ZNF644: variants seen among roughly 807,000 people sequenced by gnomAD.
The protein encoded by ZNF644 is zinc finger motif enhancer binding protein 2.
In ZNF644, 20 loss-of-function variants were observed where a neutral mutation model predicts 108.0. The ratio of observed to expected loss-of-function variants is 0.19; its 90% CI spans 0.13 to 0.27. The LOEUF is 0.27. Among genes scored for constraint, ZNF644 ranks in the 10% least tolerant of loss-of-function variants. ZNF644 has a pLI of 1.00. For synonymous variants in ZNF644, 542 were observed against 539.1 expected (o/e 1.01, Z -0.08); for missense variants, 1,338 against 1,548.9 (o/e 0.86, Z 2.29).
At chr1:90,995,850 C>T (rs1380392599) in intron 1 of ZNF644, among the ~76,000 whole-genome samples, 1 of 152,100 alleles carries the variant, frequency 6.6e-6, no homozygotes, top group Admixed American at 6.6e-5. Context: ...GTAGTAACAA[C>T]ACTAAATCAA....
At chr1:90,990,458 G>A (rs768322132) in intron 1 of ZNF644, among the ~76,000 whole-genome samples, 1 of 152,000 alleles carries the variant, frequency 6.6e-6, no homozygotes, top group African/African-American at 2.4e-5. Flanking sequence ...TAGACATTAG[G>A]CAACCCCTGA....
At chr1:90,963,185 T>C (rs773894974) in intron 2 of ZNF644, among the ~76,000 whole-genome samples, 2 of 152,028 alleles carry the variant, frequency 1.3e-5, no homozygotes, top group Non-Finnish European at 2.9e-5. Flanking sequence ...GAAAGCTCAA[T>C]AGTAATTTTG....
At chr1:90,937,412 TAG>T in intron 4 of ZNF644, 71 bp downstream of exon 4, 1 of 1,594,808 alleles carries the variant, frequency 6.3e-7, no homozygotes, top group Non-Finnish European at 8.6e-7. Context: ...ATTTTCCACA[TAG>T]ATTCCATTAA....
intron 1 of ZNF644, among the ~76,000 whole-genome samples, chr1:90,990,290 C>A (rs891039673): frequency 3.3e-5 from 5 of 152,090 alleles, no homozygotes; most frequent in Non-Finnish European, 7.3e-5. Flanking sequence ...GTTAAGATGG[C>A]AAATTTACTG....
chr1:91,021,886 C>G, intron 1 of ZNF644, 104 bp downstream of exon 1: 1 of 398,782 alleles, frequency 2.5e-6, no homozygotes. Flanking sequence ...AGGCCGGGTC[C>G]CCCAAGTTCT....
At chr1:90,917,928 T>A in intron 5 of ZNF644, 124 bp downstream of exon 5, 1 of 804,050 alleles carries the variant, frequency 1.2e-6, no homozygotes, top group South Asian at 1.5e-5. Context: ...CTCCAAAAGT[T>A]CATTTATAAC....
At chr1:90,962,923 T>C (rs1057167170) in intron 2 of ZNF644, among the ~76,000 whole-genome samples, 1 of 152,062 alleles carries the variant, frequency 6.6e-6, no homozygotes, top group Non-Finnish European at 1.5e-5. Flanking sequence ...ACAAGCAGCA[T>C]TAACAATAAG....
At chr1:91,015,240 A>G (rs1252132141) in intron 1 of ZNF644, among the ~76,000 whole-genome samples, 2 of 152,194 alleles carry the variant, frequency 1.3e-5, no homozygotes, top group Non-Finnish European at 1.5e-5. Flanking sequence ...GGTTGGTGGT[A>G]GAAAGAAAAT....
At chr1:90,963,798 A>G (rs1455799981) in intron 2 of ZNF644, among the ~76,000 whole-genome samples, 3 of 152,120 alleles carry the variant, frequency 2.0e-5, no homozygotes, top group Admixed American at 2.0e-4. Flanking sequence ...GAAAAGAGAC[A>G]TAGGGGGTTT....
At chr1:90,959,703 G>A (rs1654129475) in intron 2 of ZNF644, among the ~76,000 whole-genome samples, 1 of 152,094 alleles carries the variant, frequency 6.6e-6, no homozygotes, top group Non-Finnish European at 1.5e-5. Flanking sequence ...TACTTTACCA[G>A]GTGATGGAAG....
intron 1 of ZNF644, chr1:91,020,685 T>C (rs1228413725): frequency 1.3e-5 from 2 of 152,238 alleles, no homozygotes; most frequent in African/African-American, 4.8e-5. Flanking sequence ...TGAGAAACTT[T>C]AGTTGTCTAT....
chr1:90,966,968 G>C (rs1171299896), intron 2 of ZNF644, among the ~76,000 whole-genome samples: 2 of 152,222 alleles, frequency 1.3e-5, no homozygotes, highest in East Asian at 3.9e-4. Flanking sequence ...CTTCTAAGTA[G>C]AATCTACTGT....
intron 2 of ZNF644, among the ~76,000 whole-genome samples, chr1:90,960,303 G>A (rs1166514636): frequency 3.3e-5 from 5 of 152,152 alleles, no homozygotes; most frequent in Admixed American, 2.6e-4. Flanking sequence ...ATTTGTGCAA[G>A]TTTTCCTGTT....
At chr1:90,950,292 AAGGGG>A in intron 2 of ZNF644, among the ~76,000 whole-genome samples, 1 of 2,036 alleles carries the variant, frequency 4.9e-4, no homozygotes, top group Non-Finnish European at 7.5e-4. Context: ...AAGGGAAGGG[AAGGGG>A]AGGGGAGGGG....
At chr1:90,980,340 A>G (rs1213462498) in intron 2 of ZNF644, among the ~76,000 whole-genome samples, 1 of 152,190 alleles carries the variant, frequency 6.6e-6, no homozygotes, top group South Asian at 2.1e-4. Context: ...AAGTGACAAC[A>G]TGTACCTAGG....
chr1:90,975,776 A>G (rs1402676055), intron 2 of ZNF644, among the ~76,000 whole-genome samples: 1 of 152,118 alleles, frequency 6.6e-6, no homozygotes, highest in Non-Finnish European at 1.5e-5. Flanking sequence ...ATCTCAAAAG[A>G]ATAGTAAATC....
intron 1 of ZNF644, among the ~76,000 whole-genome samples, chr1:90,986,468 T>C (rs936865504): frequency 2.6e-5 from 4 of 152,082 alleles, no homozygotes; most frequent in Admixed American, 1.3e-4. Context: ...CTATGGTCTT[T>C]AGTTAATAAT....
chr1:91,011,422 A>G (rs1223355143), intron 1 of ZNF644, among the ~76,000 whole-genome samples: 2 of 152,216 alleles, frequency 1.3e-5, no homozygotes, highest in East Asian at 1.9e-4. Flanking sequence ...ATGTGAAGAT[A>G]TATTTTTTAT....
chr1:90,938,242 C>G lies in ZNF644; in HGVS notation c.3082+30G>C. On this transcript the variant is annotated intron_variant, in intron 3 of 5. Transcript: ENST00000337393. The surrounding 1 kb of genome is among the most constrained non-coding windows in gnomAD (Gnocchi z 4.2). ...CTTCAGAATTAGAACACAGACCTAT[C>G]AGCCCAAATCATCCCCATGGAGAAC... is the stretch of plus-strand genomic sequence containing the variant. 1 of 1,613,946 alleles carries G rather than the reference C, an allele frequency of 6.2e-7. No individual in the cohort carries two copies. Among genetic ancestry groups the G allele is most frequent in the Non-Finnish European group, 8.5e-7 (1 of 1,179,856 alleles).
Sources: allele counts gnomAD v4.1 joint callset (sites outside exome capture counted in the v4.1 genomes callset), GRCh38; gene constraint gnomAD v4.1.1; non-coding constraint Gnocchi (gnomAD v3.1); transcripts MANE v1.5; gene names NCBI Gene and HGNC (gene_info 2026-07-23, HGNC 2026-07-21).